The following SLC5A11 variants were observed in gnomAD, a reference collection of about 807,000 sequenced individuals.
SLC5A11 encodes the protein sodium/myo-inositol cotransporter 2.
In SLC5A11, 48 loss-of-function variants were observed where a neutral mutation model predicts 69.8. That is an observed-to-expected ratio of 0.69 (90% confidence interval 0.55 to 0.87). The LOEUF (loss-of-function observed/expected upper bound fraction) is 0.87. SLC5A11 is among the 40% of genes least tolerant of loss of function. SLC5A11 has a pLI of 0.00. For missense variants in SLC5A11, 784 were observed against 866.1 expected, an observed-to-expected ratio of 0.91 and a Z score of 1.19; for synonymous variants, 319 against 342.4, an observed-to-expected ratio of 0.93 and a Z score of 0.75.
At chr16:24,872,806 C>T (rs2047390927) in intron 5 of SLC5A11, among the ~76,000 whole-genome samples, 1 of 150,598 alleles carries the variant, frequency 6.6e-6, no homozygotes, top group Non-Finnish European at 1.5e-5. Context: ...GACTTACAGG[C>T]ATAAGCCACC....
chr16:24,897,054 G>T (rs2049232166), intron 9 of SLC5A11, among the ~76,000 whole-genome samples: 1 of 145,224 alleles, frequency 6.9e-6, no homozygotes, highest in Non-Finnish European at 1.5e-5. Context: ...CCGGGTTCAA[G>T]TGATTCTCCT....
intron 12 of SLC5A11, 85 bp from the exon 14 acceptor site, chr16:24,907,878 C>A (rs903243186): frequency 2.6e-6 from 4 of 1,541,068 alleles, no homozygotes; most frequent in Non-Finnish European, 3.5e-6. Context: ...AGAACAAGAC[C>A]CTGTCTATTA....
intron 5 of SLC5A11, 63 bp from the exon 7 acceptor site, chr16:24,875,564 G>T: frequency 7.7e-7 from 1 of 1,306,926 alleles, no homozygotes; most frequent in Non-Finnish European, 1.1e-6. Flanking sequence ...AAGGGCTTGT[G>T]TGGGGGGGTC....
At chr16:24,906,233 C>T (rs944785606) in intron 10 of SLC5A11, among the ~76,000 whole-genome samples, 10 of 150,820 alleles carry the variant, frequency 6.6e-5, no homozygotes, top group Admixed American at 3.3e-4. Context: ...CCCAGCTTCT[C>T]GGGAGGCTGA....
intron 1 of SLC5A11, among the ~76,000 whole-genome samples, chr16:24,847,068 T>C (rs560625560): frequency 6.6e-6 from 1 of 152,338 alleles, no homozygotes; most frequent in African/African-American, 2.4e-5. Context: ...CAAGACTCAA[T>C]TCCTGTGGCC....
chr16:24,861,769 GAGAA>G (rs1304131203), intron 2 of SLC5A11, among the ~76,000 whole-genome samples: 62 of 145,254 alleles, frequency 4.3e-4, no homozygotes, highest in African/African-American at 1.5e-3. Context: ...AAGAAAGAAA[GAGAA>G]AGAAAAAGGA....
chr16:24,900,823 C>A (rs2049525269), intron 10 of SLC5A11, among the ~76,000 whole-genome samples: 1 of 150,690 alleles, frequency 6.6e-6, no homozygotes. Context: ...GAAACTGAGG[C>A]AGGAGAATTG....
At chr16:24,879,236 A>G (rs1032519909) in intron 7 of SLC5A11, among the ~76,000 whole-genome samples, 2 of 151,756 alleles carry the variant, frequency 1.3e-5, no homozygotes, top group African/African-American at 4.8e-5. Flanking sequence ...TTTTAGATTC[A>G]GGAGGTACAT....
At position 24,911,495 on chromosome 16, in the gene SLC5A11, G is replaced by A. The variant is rs199739042; in HGVS notation, c.1990G>A (p.Val664Met). The A allele has an allele frequency of 2.6e-5, 42 of 1,614,130 alleles. No homozygotes were observed. The South Asian group carries it at 3.1e-4, about 12-fold the overall frequency. The stretch of plus-strand genomic sequence containing the variant: ...CCTGGACGTCAACCTCATTTTCTGC[G>A]TGAGCTGCGCCATCTTTATCTGGGG... Residue 664 changes from valine to methionine, a missense_variant, in exon 16 of 16, where the codon GTG (valine) becomes ATG (methionine). Around this residue, in one of 3 missense-constraint regions of SLC5A11, gnomAD observed 550 missense variants for 606.4 expected, o/e 0.91. Transcript: ENST00000347898.
At chr16:24,859,552 A>G (rs938496283) in intron 2 of SLC5A11, among the ~76,000 whole-genome samples, 1 of 152,196 alleles carries the variant, frequency 6.6e-6, no homozygotes, top group Non-Finnish European at 1.5e-5. Flanking sequence ...GGTAACCAAT[A>G]TTATTAGCTT....
chr16:24,897,978 T>C, exon 10 of SLC5A11: 1 of 1,614,030 alleles, frequency 6.2e-7, no homozygotes, highest in South Asian at 1.1e-5. Context: ...TTCCAGGTGA[T>C]TGTCCAGCGG....
intron 7 of SLC5A11, among the ~76,000 whole-genome samples, chr16:24,878,150 G>A (rs946920106): frequency 5.3e-5 from 8 of 152,212 alleles, no homozygotes; most frequent in African/African-American, 1.7e-4. Flanking sequence ...GCGAGACTCC[G>A]TCTCAGAATA....
At chr16:24,908,608 A>AAC (rs2152423431) in intron 13 of SLC5A11, among the ~76,000 whole-genome samples, 1 of 151,810 alleles carries the variant, frequency 6.6e-6, no homozygotes. Context: ...AAAAAAAAAA[A>AAC]AAAAAAAAGC....
exon 10 of SLC5A11, chr16:24,898,013 C>A (rs2152392398): frequency 6.2e-7 from 1 of 1,614,176 alleles, no homozygotes; most frequent in Non-Finnish European, 8.5e-7. Context: ...GAACCTGTCC[C>A]ATGCCAAAGG....
chr16:24,858,623 C>A (rs1238757747), exon 2 of SLC5A11: 1 of 1,596,126 alleles, frequency 6.3e-7, no homozygotes, highest in Admixed American at 1.7e-5. Flanking sequence ...TCCTCAGGAT[C>A]CAGAGGTCTC....
At chr16:24,907,844 C>A in intron 12 of SLC5A11, 119 bp from the exon 14 acceptor site, 1 of 1,334,300 alleles carries the variant, frequency 7.5e-7, no homozygotes, top group Non-Finnish European at 1.0e-6. Flanking sequence ...TATGCTCTCA[C>A]CACTGCACCC....
At chr16:24,907,299 C>T in intron 12 of SLC5A11, 124 bp downstream of exon 13, 1 of 1,034,842 alleles carries the variant, frequency 9.7e-7, no homozygotes, top group Middle Eastern at 2.6e-4. Flanking sequence ...ATGTGCAAGA[C>T]ATTCATTCAT....
chr16:24,890,776 C>A, intron 8 of SLC5A11, 93 bp from the exon 10 acceptor site: 1 of 1,212,764 alleles, frequency 8.2e-7, no homozygotes. Flanking sequence ...TGGCTCTGGT[C>A]CTACTAGAAT....
intron 8 of SLC5A11, among the ~76,000 whole-genome samples, chr16:24,885,643 T>TGA (rs2048342385): frequency 1.0e-5 from 1 of 98,690 alleles, no homozygotes; most frequent in Non-Finnish European, 1.8e-5. Flanking sequence ...TGAGACAGAG[T>TGA]GAGACCCTGT....
Sources: gnomAD v4.1 joint callset for allele counts (sites outside exome capture counted in the v4.1 genomes callset) on GRCh38, gnomAD v4.1.1 for gene constraint, gnomAD v4.1.1 regional missense constraint, MANE v1.5 for transcripts, NCBI Gene and HGNC (gene_info 2026-07-23, HGNC 2026-07-21) for gene names.